The following MPV17L variants were observed in gnomAD, a reference collection of about 807,000 sequenced individuals.
MPV17L encodes MPV17 mitochondrial inner membrane protein like.
MPV17L carries 24 observed loss-of-function variants against 25.8 expected under a neutral mutation model. That is an observed-to-expected ratio of 0.93 (90% CI 0.67 to 1.31). The LOEUF is 1.31. Among genes scored for constraint, MPV17L ranks in the 50% most tolerant of loss-of-function variants. The pLI is 0.00. For missense variants in MPV17L, 250 were observed against 265.6 expected, an observed-to-expected ratio of 0.94 and a Z score of 0.41; for synonymous variants, 102 against 115.3, an observed-to-expected ratio of 0.88 and a Z score of 0.74.
chr16:15,403,022 A>G (rs1200469621), intron 2 of MPV17L, among the ~76,000 whole-genome samples: 1 of 150,876 alleles, frequency 6.6e-6, no homozygotes, highest in Admixed American at 6.6e-5. Context: ...AAGTTTTTCC[A>G]TTATGTTGTA....
At chr16:15,404,189 AC>A (rs1237311027) in intron 2 of MPV17L, among the ~76,000 whole-genome samples, 7 of 152,324 alleles carry the variant, frequency 4.6e-5, no homozygotes, top group Non-Finnish European at 1.0e-4. Flanking sequence ...AGAGCTGAGT[AC>A]AGTTGACAAT....
chr16:15,406,440 A>G (rs1598426697), intron 2 of MPV17L, among the ~76,000 whole-genome samples: 1 of 152,126 alleles, frequency 6.6e-6, no homozygotes, highest in Non-Finnish European at 1.5e-5. Flanking sequence ...ATAAATTTAC[A>G]TACCAAGACT....
At chr16:15,400,913 T>C (rs2050629072) in intron 2 of MPV17L, 56 bp downstream of exon 2, 1 of 1,090,286 alleles carries the variant, frequency 9.2e-7, no homozygotes. Flanking sequence ...TATGTATATA[T>C]ATGTGTATAA....
At chr16:15,401,086 ATTTTTT>A (rs1242552489) in intron 2 of MPV17L, among the ~76,000 whole-genome samples, 3 of 19,860 alleles carry the variant, frequency 1.5e-4, no homozygotes, top group Non-Finnish European at 2.7e-4. Flanking sequence ...ATATATATAT[ATTTTTT>A]TTTTTTTTTT....
intron 2 of MPV17L, among the ~76,000 whole-genome samples, chr16:15,403,412 C>CCTG (rs148032295): frequency 0.063 from 9,458 of 150,050 alleles, 394 homozygotes; most frequent in South Asian, 0.11. Flanking sequence ...GCAGCTCACA[C>CCTG]CTGTAATCCC....
intron 2 of MPV17L, among the ~76,000 whole-genome samples, chr16:15,405,251 GC>G (rs1339875061): frequency 7.9e-5 from 12 of 151,816 alleles, no homozygotes; most frequent in Admixed American, 7.2e-4. Context: ...AAGAAATAAA[GC>G]CATGGCCAGG....
chr16:15,401,058 G>GTATATATATATATATATATA (rs548012835), intron 2 of MPV17L, among the ~76,000 whole-genome samples: 2 of 44,250 alleles, frequency 4.5e-5, no homozygotes, highest in Non-Finnish European at 7.5e-5. Flanking sequence ...ATGTGTGTGT[G>GTATATATATATATATATATA]TATATATATA....
In MPV17L at chr16:15,395,984, G is replaced by C; in HGVS notation, c.87G>C (p.Ser29=). 4 of 1,512,376 alleles carry C rather than the reference G, an allele frequency of 2.6e-6. No individual in the cohort carries two copies. The highest frequency in any genetic ancestry group is 3.5e-6 in the Non-Finnish European group (4 of 1,137,734). 93.7% of individuals were successfully genotyped at this position (1,512,376 alleles called of 1,614,324 possible). Residue 29 remains serine (S), a synonymous_variant, in exon 1 of 4, where the codon TCG becomes TCC. Transcript: ENST00000396385. ...TGCTGCTTTACGGCTCGCTCGTCTC[G>C]GCCGGGGACGCGCTGCAACAGCGGC... is the stretch of plus-strand genomic sequence containing the variant. ...TNVLLYGSLV[S]AGDALQQRLQ...
In MPV17L at chr16:15,411,361, T is replaced by TG. The variant is rs933033411; in HGVS notation, c.*3253dup. On this transcript the variant is annotated 3_prime_UTR_variant, in exon 4 of 4. Transcript: ENST00000396385. ...TGTTTGCATTTTGTATAAAAGTACT[T>TG]GGGGCTGGGCATGATCGCTTATGTC... The TG allele has an allele frequency of 6.6e-6, 1 of 152,216 alleles. No homozygotes were observed. Among genetic ancestry groups the TG allele is most frequent in the African/African-American group, 2.4e-5 (1 of 41,462 alleles). 9.4% of individuals were successfully genotyped at this position (152,216 alleles called of 1,614,324 possible).
At chr16:15,405,674 C>T (rs141502961) in intron 2 of MPV17L, among the ~76,000 whole-genome samples, 20,690 of 150,922 alleles carry the variant, frequency 0.14, 1,833 homozygotes, top group Middle Eastern at 0.22. Flanking sequence ...CTCAAACTCA[C>T]GACTTCAGGT....
At chr16:15,396,735 G>A (rs2050589421) in intron 1 of MPV17L, among the ~76,000 whole-genome samples, 1 of 152,114 alleles carries the variant, frequency 6.6e-6, no homozygotes, top group Non-Finnish European at 1.5e-5. Context: ...TGACCCTGAG[G>A]GGCAGAGCAG....
Position 15,395,951 on chromosome 16 carries a change from C to T in MPV17L, c.54C>T (p.Pro18=), listed in dbSNP as rs1238718971. ...LSRAARRHPW[P]TNVLLYGSLV... ...GCGCGGCCCGGCGCCACCCGTGGCCCACCAACGTGCTGCTTTACGGCTCGC... is the reference window on the plus strand; with the variant it reads ...GCGCGGCCCGGCGCCACCCGTGGCCTACCAACGTGCTGCTTTACGGCTCGC... Residue 18 remains proline, a synonymous_variant, in exon 1 of 4, where the codon CCC becomes CCT. Transcript: ENST00000396385. The T allele has an allele frequency of 1.7e-5, 25 of 1,496,416 alleles. 1 individual carries two copies. Among genetic ancestry groups the T allele is most frequent in the Non-Finnish European group, 2.2e-5 (25 of 1,131,574 alleles). The allele number at this position is 1,496,416 out of a possible 1,614,324, so 92.7% of individuals were successfully genotyped here.
intron 1 of MPV17L, among the ~76,000 whole-genome samples, chr16:15,398,714 C>T (rs1377213623): frequency 6.6e-6 from 1 of 151,934 alleles, no homozygotes; most frequent in African/African-American, 2.4e-5. Flanking sequence ...TCTCCTGCCC[C>T]TCCTGAGTAG....
At chr16:15,407,288 T>G (rs1270346249) in intron 2 of MPV17L, among the ~76,000 whole-genome samples, 2 of 152,118 alleles carry the variant, frequency 1.3e-5, no homozygotes, top group Admixed American at 6.6e-5. Flanking sequence ...TTCTACCTAA[T>G]AGCTTTTTTC....
At chr16:15,400,682 T>C (rs2050625942) in intron 1 of MPV17L, 105 bp from the exon 2 acceptor site, 2 of 678,662 alleles carry the variant, frequency 2.9e-6, no homozygotes, top group Non-Finnish European at 4.5e-6. Context: ...TATTGTTGGA[T>C]GATAGTGATG....
chr16:15,403,491 T>C (rs752380192), intron 2 of MPV17L, among the ~76,000 whole-genome samples: 1 of 149,148 alleles, frequency 6.7e-6, no homozygotes, highest in Non-Finnish European at 1.5e-5. Flanking sequence ...TGCGCAACCA[T>C]AGTGAGACCC....
rs1434209785 is a variant in MPV17L, at chr16:15,412,740, T to A, written c.*4628T>A. ...GGCGCCCGCCACCATGACCCACTAA[T>A]TTTTTTTTTTTTTGGATTTTTAGTA... is the stretch of plus-strand genomic sequence containing the variant. On this transcript the variant is annotated 3_prime_UTR_variant, in exon 4 of 4. Coordinates refer to ENST00000396385, the MANE Select transcript of MPV17L (RefSeq NM_001128423.2). 4.4e-5 allele frequency: 1 copy of A among 22,588 alleles called. No individual in the cohort carries two copies. The allele number at this position is 22,588 out of a possible 1,614,324, so 1.4% of individuals were successfully genotyped here.
In MPV17L at chr16:15,412,043, T is replaced by C. The variant is rs1376468710; in HGVS notation, c.*3931T>C. ...TTCACAATTTATCAGTCTTTTTTGT[T>C]TGTACAAAAACTAATATAAGTTATT... On this transcript the variant is annotated 3_prime_UTR_variant, in exon 4 of 4. Transcript: ENST00000396385. 6.6e-6 allele frequency: 1 copy of C among 152,212 alleles called. No homozygotes were observed. The highest frequency in any genetic ancestry group is 2.4e-5 in the African/African-American group (1 of 41,458). 9.4% of individuals were successfully genotyped at this position (152,212 alleles called of 1,614,324 possible). A position where few individuals can be genotyped will look rare whatever the true frequency, so the allele number is the denominator to read the frequency against.
In MPV17L at chr16:15,413,023, G is replaced by A. The variant is rs1567436332; in HGVS notation, c.*4911G>A. The A allele has an allele frequency of 6.6e-6, 1 of 152,098 alleles. No individual in the cohort carries two copies. Among genetic ancestry groups the A allele is most frequent in the Non-Finnish European group, 1.5e-5 (1 of 68,024 alleles). 9.4% of individuals were successfully genotyped at this position (152,098 alleles called of 1,614,324 possible). On this transcript the variant is annotated 3_prime_UTR_variant, in exon 4 of 4. Transcript: ENST00000396385. ...TTGTTACATGGGAAATTTACTTTTA[G>A]TACAGTAAAATGTTATGTGAATTTC...
Sources: allele counts gnomAD v4.1 joint callset (sites outside exome capture counted in the v4.1 genomes callset), GRCh38; gene constraint gnomAD v4.1.1; transcripts MANE v1.5; gene names NCBI Gene and HGNC (gene_info 2026-07-23, HGNC 2026-07-21).